The following CCDC148 variants were observed in gnomAD, a reference collection of about 807,000 sequenced individuals.
CCDC148 encodes coiled-coil domain containing 148, also known as coiled-coil domain-containing protein 148.
In CCDC148, 89 loss-of-function variants were observed where a neutral mutation model predicts 85.7. The observed-to-expected ratio is 1.04, with a 90% CI of 0.87 to 1.24. CCDC148 has a LOEUF of 1.24. Among genes scored for constraint, CCDC148 ranks in the 50% most tolerant of loss-of-function variants. The pLI, the probability that CCDC148 is intolerant of heterozygous loss-of-function variation, is 0.00. For missense variants in CCDC148, 692 were observed against 671.7 expected (o/e 1.03, Z -0.33); for synonymous variants, 230 against 213.9 (o/e 1.08, Z -0.66).
intron 1 of CCDC148, among the ~76,000 whole-genome samples, chr2:158,382,025 T>C (rs955818864): frequency 6.6e-6 from 1 of 152,134 alleles, no homozygotes; most frequent in Non-Finnish European, 1.5e-5. Flanking sequence ...TTCTTCTGAA[T>C]GGGATTAGTG....
At chr2:158,418,194 T>C (rs891184007) in intron 1 of CCDC148, among the ~76,000 whole-genome samples, 4 of 152,060 alleles carry the variant, frequency 2.6e-5, no homozygotes, top group African/African-American at 9.7e-5. Flanking sequence ...ATTAACCTCC[T>C]ACAAATCACT....
intron 1 of CCDC148, among the ~76,000 whole-genome samples, chr2:158,383,310 C>T (rs1684954812): frequency 6.6e-6 from 1 of 151,022 alleles, no homozygotes; most frequent in Non-Finnish European, 1.5e-5. Flanking sequence ...GAGAAAGACT[C>T]CATCTCAAAA....
In CCDC148 at chr2:158,244,689, G is replaced by C. The variant is rs1197983175; in HGVS notation, c.1251+6083C>G. Reference sequence around the variant, plus strand: ...GCCTTTAAAGGGCTCATGTGATTAGGTCAGGACCACTTGATAATTTTAAGG... The same window carrying C: ...GCCTTTAAAGGGCTCATGTGATTAGCTCAGGACCACTTGATAATTTTAAGG... On this transcript the variant is annotated intron_variant, in intron 10 of 13. Coordinates refer to ENST00000283233, the MANE Select transcript of CCDC148 (RefSeq NM_138803.4). Among the ~76,000 whole-genome samples the C allele has an allele frequency of 5.3e-5, 8 of 152,154 alleles. No homozygotes were observed. In the East Asian group the frequency reaches 1.5e-3, roughly 29 times the overall value.
intron 1 of CCDC148, among the ~76,000 whole-genome samples, chr2:158,435,465 C>T (rs1028937175): frequency 6.6e-6 from 1 of 152,204 alleles, no homozygotes; most frequent in African/African-American, 2.4e-5. Context: ...CTTACAAGAG[C>T]TCCTGAAGGA....
intron 1 of CCDC148, among the ~76,000 whole-genome samples, chr2:158,454,213 T>C (rs903635953): frequency 1.3e-5 from 2 of 152,178 alleles, no homozygotes; most frequent in Admixed American, 6.5e-5. Context: ...GAAATTCCCT[T>C]CAGACAGTTT....
intron 1 of CCDC148, among the ~76,000 whole-genome samples, chr2:158,450,462 T>C (rs573875150): frequency 2.0e-5 from 3 of 152,316 alleles, no homozygotes; most frequent in African/African-American, 7.2e-5. Context: ...TTCTTTTACT[T>C]TGAGCTTTGC....
At chr2:158,391,639 T>A (rs994883029) in intron 1 of CCDC148, among the ~76,000 whole-genome samples, 2 of 152,144 alleles carry the variant, frequency 1.3e-5, no homozygotes, top group African/African-American at 4.8e-5. Flanking sequence ...GATAAGTAAT[T>A]CTTAAATAGT....
chr2:158,260,789 C>T (rs2105151765), intron 9 of CCDC148, among the ~76,000 whole-genome samples: 1 of 151,906 alleles, frequency 6.6e-6, no homozygotes, highest in Non-Finnish European at 1.5e-5. Flanking sequence ...AATAAAATAC[C>T]CAGGAATACA....
At chr2:158,330,008 C>T (rs1693009371) in intron 7 of CCDC148, among the ~76,000 whole-genome samples, 2 of 152,100 alleles carry the variant, frequency 1.3e-5, no homozygotes, top group Admixed American at 1.3e-4. Flanking sequence ...TTTCCTTCTC[C>T]TGCCTGATTG....
At chr2:158,279,074 T>C (rs1690121552) in intron 9 of CCDC148, among the ~76,000 whole-genome samples, 1 of 152,234 alleles carries the variant, frequency 6.6e-6, no homozygotes, top group African/African-American at 2.4e-5. Context: ...GGGTCCTGTC[T>C]GTTAGAAGGA....
chr2:158,389,132 C>T (rs894939612), intron 1 of CCDC148, among the ~76,000 whole-genome samples: 1 of 152,124 alleles, frequency 6.6e-6, no homozygotes, highest in African/African-American at 2.4e-5. Flanking sequence ...TTAAAAATTA[C>T]GTTTGAAATA....
chr2:158,243,560 A>G (rs1393234142), intron 10 of CCDC148, among the ~76,000 whole-genome samples: 1 of 152,152 alleles, frequency 6.6e-6, no homozygotes, highest in Admixed American at 6.6e-5. Flanking sequence ...GCTGAGGGAT[A>G]CCACTCTTAA....
At chr2:158,251,466 T>C (rs972722726) in intron 9 of CCDC148, among the ~76,000 whole-genome samples, 12 of 151,846 alleles carry the variant, frequency 7.9e-5, no homozygotes, top group Middle Eastern at 3.2e-3. Context: ...TATTAGGTAA[T>C]ATGTAAATAT....
intron 2 of CCDC148, among the ~76,000 whole-genome samples, chr2:158,357,321 A>C (rs1191022911): frequency 6.6e-6 from 1 of 152,138 alleles, no homozygotes; most frequent in Non-Finnish European, 1.5e-5. Context: ...TATTTTGCTG[A>C]CTATTGTATC....
intron 3 of CCDC148, among the ~76,000 whole-genome samples, chr2:158,342,682 AC>A (rs1440347482): frequency 6.6e-6 from 1 of 152,176 alleles, no homozygotes; most frequent in Non-Finnish European, 1.5e-5. Flanking sequence ...AAGAATCTAT[AC>A]CAAGGTAGAC....
intron 1 of CCDC148, among the ~76,000 whole-genome samples, chr2:158,388,271 T>C (rs1276931134): frequency 6.6e-6 from 1 of 152,152 alleles, no homozygotes; most frequent in Non-Finnish European, 1.5e-5. Flanking sequence ...CCCATATTCA[T>C]CAAATTAATG....
intron 1 of CCDC148, among the ~76,000 whole-genome samples, chr2:158,390,554 A>T (rs1685261131): frequency 6.6e-6 from 1 of 152,202 alleles, no homozygotes. Context: ...CCAAAATTTT[A>T]AACTTGAGGC....
At chr2:158,345,094 A>T (rs1682925762) in intron 3 of CCDC148, 121 bp downstream of exon 3, 3 of 630,724 alleles carry the variant, frequency 4.8e-6, no homozygotes, top group Non-Finnish European at 7.8e-6. Flanking sequence ...TCACATTCAA[A>T]TCGTAACTTT....
intron 11 of CCDC148, among the ~76,000 whole-genome samples, chr2:158,179,364 G>A (rs751747394): frequency 1.8e-4 from 27 of 151,644 alleles, no homozygotes; most frequent in Admixed American, 3.3e-4. Context: ...TCACCATGTT[G>A]GCCAGGATGG....
Sources: gnomAD v4.1 joint callset for allele counts (sites outside exome capture counted in the v4.1 genomes callset) on GRCh38, gnomAD v4.1.1 for gene constraint, MANE v1.5 for transcripts, NCBI Gene and HGNC (gene_info 2026-07-23, HGNC 2026-07-21) for gene names.